The following ZFHX2 variants were observed in gnomAD, a reference collection of about 807,000 sequenced individuals.
ZFHX2 encodes the protein zinc finger homeobox 2.
In ZFHX2, 75 loss-of-function variants were observed where a neutral mutation model predicts 164.8. The ratio of observed to expected loss-of-function variants is 0.46; its 90% confidence interval spans 0.38 to 0.55. The LOEUF (loss-of-function observed/expected upper bound fraction) is 0.55, where lower values mean the gene tolerates loss of function less well. Among genes scored for constraint, ZFHX2 ranks in the 20% least tolerant of loss-of-function variants. ZFHX2 has a pLI of 0.00. For synonymous variants in ZFHX2, 1,217 were observed against 1,351.4 expected (o/e 0.90, Z 2.18); for missense variants, 2,933 against 3,308.0 (o/e 0.89, Z 2.78).
rs562671208 is a variant in ZFHX2, at chr14:23,524,402, C to A, written c.5540G>T (p.Gly1847Val). The A allele has an allele frequency of 6.5e-7, 1 of 1,536,260 alleles. No homozygotes were observed. Among genetic ancestry groups the A allele is most frequent in the Non-Finnish European group, 8.7e-7 (1 of 1,146,922 alleles). Reference protein sequence around the residue: ...GSLSPTGSEAGGGGEGEPPRD... With the variant: ...GSLSPTGSEAVGGGEGEPPRD... Reference sequence around the variant, plus strand: ...GGGGGGCTCGCCCTCCCCTCCTCCCCCTGCTTCACTGCCTGTGGGAGACAA... The same window carrying A: ...GGGGGGCTCGCCCTCCCCTCCTCCCACTGCTTCACTGCCTGTGGGAGACAA... The change falls in exon 9 of 10, where the codon GGG (glycine) becomes GTG (valine). Residue 1847 changes from glycine (G) to valine (V), a missense_variant. Gly to Val is a moderately radical substitution (Grantham distance 109). Transcript: ENST00000419474. This position sits in a 1 kb window ranked among gnomAD's most constrained non-coding sequence, Gnocchi z 5.6.
chr14:23,532,307 G>A (rs1037528230), intron 3 of ZFHX2: 2 of 394,342 alleles, frequency 5.1e-6, no homozygotes, highest in African/African-American at 4.1e-5. Context: ...AAACTGAGCT[G>A]ATACCACCCC....
Position 23,532,051 on chromosome 14 carries a change from C to T in ZFHX2, c.2560-330G>A, listed in dbSNP as rs1595158715. The T allele has an allele frequency of 3.1e-5, 6 of 193,884 alleles. No individual in the cohort carries two copies. The East Asian group carries it at 7.4e-4, about 24-fold the overall frequency. The allele number at this position is 193,884 out of a possible 1,614,324, so 12.0% of individuals were successfully genotyped here. ...TCGGCCTCCCAAAGTGCCGGGACTA[C>T]AGGCGTGAGCCACCGCACCTAGCCT... On this transcript the variant is annotated intron_variant, in intron 3 of 9. Coordinates refer to ENST00000419474, the MANE Select transcript of ZFHX2 (RefSeq NM_033400.3).
At position 23,522,171 on chromosome 14, in the gene ZFHX2, G is replaced by C; in HGVS notation, c.7510C>G (p.Leu2504Val). 1 of 1,499,428 alleles carries C rather than the reference G, an allele frequency of 6.7e-7. No individual in the cohort carries two copies. Among genetic ancestry groups the C allele is most frequent in the South Asian group, 1.3e-5 (1 of 77,026 alleles). 92.9% of individuals were successfully genotyped at this position (1,499,428 alleles called of 1,614,324 possible). A position where few individuals can be genotyped will look rare whatever the true frequency, so the allele number is the denominator to read the frequency against. ...GAGGCTAGGGCTTCACGCCCACTCAGCAGCACCTCACATGCCAGGCAGTGG... is the reference window on the plus strand; with the variant it reads ...GAGGCTAGGGCTTCACGCCCACTCACCAGCACCTCACATGCCAGGCAGTGG... ...TYHCLACEVLLSGREALASHL... is the reference protein window; with the variant it reads ...TYHCLACEVLVSGREALASHL... Residue 2504 changes from leucine to valine, a missense_variant, in exon 10 of 10, where the codon CTG becomes GTG. By Grantham distance (32) the Leu-to-Val change is conservative. Coordinates refer to ENST00000419474, the MANE Select transcript of ZFHX2 (RefSeq NM_033400.3).
Position 23,527,790 on chromosome 14 carries a change from T to C in ZFHX2, c.2949A>G (p.Pro983=), listed in dbSNP as rs926822142. ...ACTCTGGGCTCAGGAAGCTGCAGTA[T>C]GGACAGCAGTATACCTGGAGGGAAC... ...SANQTTVYCC[P]YCSFLSPESS... Residue 983 remains proline (P), a synonymous_variant, in exon 7 of 10, where the codon CCA becomes CCG. Transcript: ENST00000419474. The C allele has an allele frequency of 1.6e-5, 25 of 1,535,562 alleles. No individual in the cohort carries two copies. The highest frequency in any genetic ancestry group is 9.8e-5 in the Admixed American group (5 of 50,952).
At chr14:23,527,181 C>T (rs1373585108) in intron 7 of ZFHX2, among the ~76,000 whole-genome samples, 2 of 152,172 alleles carry the variant, frequency 1.3e-5, no homozygotes, top group Non-Finnish European at 2.9e-5. Flanking sequence ...CTTCCTCTTT[C>T]CCCAAACCAG....
chr14:23,540,996 C>T (rs1985028), intron 1 of ZFHX2, among the ~76,000 whole-genome samples: 10,482 of 152,036 alleles, frequency 0.069, 1,211 homozygotes, highest in African/African-American at 0.24. Context: ...ACCTCCACCT[C>T]CCAGGTTCAA....
At chr14:23,543,357 C>T (rs1881033493) in intron 1 of ZFHX2, 1 of 152,226 alleles carries the variant, frequency 6.6e-6, no homozygotes. Flanking sequence ...GATTGGAACT[C>T]AGGTAGCCTG....
Position 23,534,541 on chromosome 14 carries a change from T to A in ZFHX2, c.785A>T (p.Lys262Met), listed in dbSNP as rs1566586671. ...GCCCTGATATTGGGCAGGGGTTAGC[T>A]TCACCCCATGAGACTGTGTGTGATC... ...FMDHTQSHGV[K>M]LTPAQYQGLS... is the part of the protein sequence containing the mutation. The change falls in exon 2 of 10, where the codon AAG becomes ATG. Residue 262 changes from lysine to methionine, a missense_variant. Lys to Met is a moderately conservative substitution (Grantham distance 95). Transcript: ENST00000419474. The surrounding 1 kb of genome is among the most constrained non-coding windows in gnomAD (Gnocchi z 4.5). 2 of 1,536,144 alleles carry A rather than the reference T, an allele frequency of 1.3e-6. No individual in the cohort carries two copies. Among genetic ancestry groups the A allele is most frequent in the Non-Finnish European group, 1.7e-6 (2 of 1,146,898 alleles).
Position 23,524,247 on chromosome 14 carries a change from G to T in ZFHX2, c.5695C>A (p.Arg1899=). 1 of 1,536,420 alleles carries T rather than the reference G, an allele frequency of 6.5e-7. No homozygotes were observed. Among genetic ancestry groups the T allele is most frequent in the South Asian group, 1.2e-5 (1 of 84,068 alleles). The change falls in exon 9 of 10, where the codon CGA becomes AGA. Residue 1899 remains arginine (R), a synonymous_variant. Transcript: ENST00000419474. This position sits in a 1 kb window ranked among gnomAD's most constrained non-coding sequence, Gnocchi z 5.6. ...CISEEVGLKK[R]VVQVWFQNTR... ...TTCTGGAACCAGACCTGTACCACTC[G>T]CTTTTTGAGCCCCACCTCCTCGGAG...
Position 23,531,555 on chromosome 14 carries a change from C to T in ZFHX2, c.2726G>A (p.Gly909Asp). ...AQRRLQLLQN[G>D]PTTEEGLAAL... is the part of the protein sequence containing the mutation. ...TGCGAGTCCTTCCTCAGTGGTTGGG[C>T]CATTCTGTAGCAGCTGCAGACGCCT... The change falls in exon 4 of 10, where the codon GGC becomes GAC. Residue 909 changes from glycine to aspartate, a missense_variant. Physicochemically the swap from Gly to Asp is moderately conservative, Grantham distance 94. Coordinates refer to ENST00000419474, the MANE Select transcript of ZFHX2 (RefSeq NM_033400.3). 1.3e-6 allele frequency: 2 copies of T among 1,523,062 alleles called. No homozygotes were observed. The allele number at this position is 1,523,062 out of a possible 1,614,324, so 94.3% of individuals were successfully genotyped here. A position where few individuals can be genotyped will look rare whatever the true frequency, so the allele number is the denominator to read the frequency against.
rs1363363633 is a variant in ZFHX2 at position 23,526,288 on chromosome 14, C to G, written c.3654G>C (p.Lys1218Asn). 1 of 1,536,170 alleles carries G rather than the reference C, an allele frequency of 6.5e-7. No homozygotes were observed. The highest frequency in any genetic ancestry group is 2.4e-5 in the East Asian group (1 of 40,906). Residue 1218 changes from lysine (K) to asparagine (N), a missense_variant, in exon 9 of 10, where the codon AAG becomes AAC. By Grantham distance (94) the Lys-to-Asn change is moderately conservative. Coordinates refer to ENST00000419474, the MANE Select transcript of ZFHX2 (RefSeq NM_033400.3). ...AGGGGTCAATGGCAGCCTTCTTCAT[C>G]TTGTGAAGGTGGGAGACAGAATTAT... is the stretch of plus-strand genomic sequence containing the variant. Reference protein sequence around the residue: ...VHYNSVSHLHKMKKAAIDPSA... With the variant: ...VHYNSVSHLHNMKKAAIDPSA...
At position 23,525,240 on chromosome 14, in the gene ZFHX2, G is replaced by A. The variant is rs1160519479; in HGVS notation, c.4702C>T (p.Arg1568Ter). 6.5e-7 allele frequency: 1 copy of A among 1,536,054 alleles called. No homozygotes were observed. The highest frequency in any genetic ancestry group is 2.4e-5 in the East Asian group (1 of 40,910). Residue 1568 changes from arginine (R) to a stop codon, truncating the protein, a stop_gained, in exon 9 of 10, where the codon CGA becomes TGA. Coordinates refer to ENST00000419474, the MANE Select transcript of ZFHX2 (RefSeq NM_033400.3). LOFTEE classifies it high-confidence loss of function. This position sits in a 1 kb window ranked among gnomAD's most constrained non-coding sequence, Gnocchi z 5.9. ...EAGGTRAPEE[R>*]SRAGGHWPIE... Reference sequence around the variant, plus strand: ...GGCCAGTGTCCCCCTGCTCGACTTCGCTCTTCAGGGGCACGGGTCCCCCCT... The same window carrying A: ...GGCCAGTGTCCCCCTGCTCGACTTCACTCTTCAGGGGCACGGGTCCCCCCT...
chr14:23,521,894 C>T lies in ZFHX2; in HGVS notation c.*68G>A. On this transcript the variant is annotated 3_prime_UTR_variant, in exon 10 of 10. Transcript: ENST00000419474. ...GTGGGGTGAGGGATTTGAGCTCCCACCGAACACCCCTTGGGGTAAAAGAGG... is the reference window on the plus strand; with the variant it reads ...GTGGGGTGAGGGATTTGAGCTCCCATCGAACACCCCTTGGGGTAAAAGAGG... The T allele has an allele frequency of 6.6e-7, 1 of 1,521,316 alleles. No homozygotes were observed. Among genetic ancestry groups the T allele is most frequent in the Non-Finnish European group, 8.8e-7 (1 of 1,140,214 alleles). 94.2% of individuals were successfully genotyped at this position (1,521,316 alleles called of 1,614,324 possible).
At position 23,521,936 on chromosome 14, in the gene ZFHX2, C is replaced by A. The variant is rs556790648; in HGVS notation, c.*26G>T. 340 of 1,535,478 alleles carry A rather than the reference C, an allele frequency of 2.2e-4. 1 individual carries two copies. The African/African-American group carries it at 4.2e-3, about 19-fold the overall frequency. ...TAAAAGAGGGAGCCCTGAGGCCCTC[C>A]CCTCTCCCCATCTTGGTTAATCTGT... is the stretch of plus-strand genomic sequence containing the variant. On this transcript the variant is annotated 3_prime_UTR_variant, in exon 10 of 10. Transcript: ENST00000419474.
intron 1 of ZFHX2, among the ~76,000 whole-genome samples, chr14:23,539,871 A>G (rs1322701374): frequency 1.3e-5 from 2 of 152,218 alleles, no homozygotes; most frequent in Non-Finnish European, 2.9e-5. Flanking sequence ...CTCCCCTCCA[A>G]AAAACAAAAC....
At position 23,523,231 on chromosome 14, in the gene ZFHX2, C is replaced by A; in HGVS notation, c.6711G>T (p.Pro2237=). The change falls in exon 9 of 10, where the codon CCG becomes CCT. Residue 2237 remains proline, a synonymous_variant. Transcript: ENST00000419474. The surrounding 1 kb of genome is among the most constrained non-coding windows in gnomAD (Gnocchi z 4.1). ...AATTGAAAGGAGCTAAGTTGCCCAG[C>A]GGGGGCTGAGCCAGAGCTGGGCCAG... ...LLSGPALAQP[P]LGNLAPFNSG... is the part of the protein sequence containing the mutation. 7.0e-7 allele frequency: 1 copy of A among 1,431,618 alleles called. No individual in the cohort carries two copies. Among genetic ancestry groups the A allele is most frequent in the Non-Finnish European group, 9.1e-7 (1 of 1,097,088 alleles). The allele number at this position is 1,431,618 out of a possible 1,614,324, so 88.7% of individuals were successfully genotyped here.
chr14:23,534,078 G>C lies in ZFHX2; in HGVS notation c.1248C>G (p.Pro416=). 6.6e-7 allele frequency: 1 copy of C among 1,517,480 alleles called. No individual in the cohort carries two copies. The allele number at this position is 1,517,480 out of a possible 1,614,324, so 94.0% of individuals were successfully genotyped here. Residue 416 remains proline (P), a synonymous_variant, in exon 2 of 10, where the codon CCC becomes CCG. Coordinates refer to ENST00000419474, the MANE Select transcript of ZFHX2 (RefSeq NM_033400.3). The surrounding 1 kb of genome is among the most constrained non-coding windows in gnomAD (Gnocchi z 4.5). ...VGSPEDPSDP[P]QPYRLADDYT... ...AGTCATCAGCTAGGCGATAGGGCTG[G>C]GGTGGGTCACTGGGGTCTTCGGGGG... is the stretch of plus-strand genomic sequence containing the variant.
In ZFHX2 at chr14:23,521,497, T is replaced by C. The variant is rs180772119; in HGVS notation, c.*465A>G. 2.6e-5 allele frequency: 4 copies of C among 155,520 alleles called. No individual in the cohort carries two copies. Among genetic ancestry groups the C allele is most frequent in the Admixed American group, 2.5e-4 (4 of 15,786 alleles). 9.6% of individuals were successfully genotyped at this position (155,520 alleles called of 1,614,324 possible). Reference sequence around the variant, plus strand: ...GCCTTGGGCTTTCTTTTTCGTTTCTTCTTTTTATCTTCTTTTTCAAAATTT... The same window carrying C: ...GCCTTGGGCTTTCTTTTTCGTTTCTCCTTTTTATCTTCTTTTTCAAAATTT... On this transcript the variant is annotated 3_prime_UTR_variant, in exon 10 of 10. Coordinates refer to ENST00000419474, the MANE Select transcript of ZFHX2 (RefSeq NM_033400.3).
At position 23,529,815 on chromosome 14, in the gene ZFHX2, G is replaced by C. The variant is rs765815956; in HGVS notation, c.2876-47C>G. 4.2e-5 allele frequency: 64 copies of C among 1,518,570 alleles called. No homozygotes were observed. The South Asian group carries it at 7.3e-4, about 17-fold the overall frequency. 94.1% of individuals were successfully genotyped at this position (1,518,570 alleles called of 1,614,324 possible). ...ATTAAGGAACCCTGACAGCCCTCAA[G>C]ATGATTTGTAGCAGAGAGCTTCCAG... is the stretch of plus-strand genomic sequence containing the variant. On this transcript the variant is annotated intron_variant, in intron 5 of 9. Coordinates refer to ENST00000419474, the MANE Select transcript of ZFHX2 (RefSeq NM_033400.3).
Sources: gnomAD v4.1 joint callset for allele counts (sites outside exome capture counted in the v4.1 genomes callset) on GRCh38, gnomAD v4.1.1 for gene constraint, Gnocchi (gnomAD v3.1) non-coding constraint, MANE v1.5 for transcripts, NCBI Gene and HGNC (gene_info 2026-07-23, HGNC 2026-07-21) for gene names.